COL6A3: variants seen among roughly 807,000 people sequenced by gnomAD.
COL6A3 encodes collagen alpha-3(VI) chain.
In COL6A3, 137 loss-of-function variants were observed where a neutral mutation model predicts 274.1. That is an observed-to-expected ratio of 0.50 (90% CI 0.44 to 0.58). The LOEUF (loss-of-function observed/expected upper bound fraction) is 0.58, where lower values mean the gene tolerates loss of function less well. Among genes scored for constraint, COL6A3 ranks in the 20% least tolerant of loss-of-function variants. The pLI is 0.00. For synonymous variants in COL6A3, 1,650 were observed against 1,650.6 expected (o/e 1.00, Z 0.01); for missense variants, 3,950 against 4,124.9 (o/e 0.96, Z 1.16).
intron 10 of COL6A3, 141 bp from the exon 11 acceptor site, chr2:237,367,427 C>T: frequency 1.0e-6 from 1 of 1,001,676 alleles, no homozygotes; most frequent in Non-Finnish European, 1.4e-6. Context: ...AAATCCATGC[C>T]TCTTTAGCCT....
intron 40 of COL6A3, among the ~76,000 whole-genome samples, chr2:237,335,429 T>G (rs1442908320): frequency 6.6e-6 from 1 of 152,250 alleles, no homozygotes; most frequent in African/African-American, 2.4e-5. Flanking sequence ...TAAAGCCATC[T>G]ACCTTTTGTA....
At chr2:237,381,533 G>A in intron 4 of COL6A3, 34 bp from the exon 5 acceptor site, 4 of 1,501,330 alleles carry the variant, frequency 2.7e-6, no homozygotes, top group Non-Finnish European at 3.7e-6. Context: ...CAATTAGAAT[G>A]GCCTTACCAA....
At chr2:237,346,144 G>C (rs1365792017) in intron 32 of COL6A3, among the ~76,000 whole-genome samples, 1 of 152,130 alleles carries the variant, frequency 6.6e-6, no homozygotes, top group East Asian at 1.9e-4. Context: ...TCAAACCAAG[G>C]CCTGGCATAA....
chr2:237,359,378 C>T lies in COL6A3; in HGVS notation c.6293G>A (p.Gly2098Glu). The change falls in exon 18 of 44, where the codon GGA becomes GAA. Residue 2098 changes from glycine to glutamate, a missense_variant. By Grantham distance (98) the Gly-to-Glu change is moderately conservative (BLOSUM62 -2). Around this residue, in one of 5 missense-constraint regions of COL6A3, gnomAD observed 92 missense variants for 143.4 expected, o/e 0.64. Transcript: ENST00000295550. ...CTTGCATACCTTCTCTCCTGGGAAT[C>T]CCCGAGAGCCCTAGAAGGCAAGGCG... ...PGQRGVKGSR[G>E]FPGEKGEVGE... The T allele has an allele frequency of 6.2e-7, 1 of 1,613,864 alleles. No individual in the cohort carries two copies. Among genetic ancestry groups the T allele is most frequent in the Non-Finnish European group, 8.5e-7 (1 of 1,179,948 alleles).
In COL6A3 at chr2:237,365,709, C is replaced by G; in HGVS notation, c.5827G>C (p.Asp1943His). Reference protein sequence around the residue: ...YLNKFRQSSPDSVKVVIHFTD... With the variant: ...YLNKFRQSSPHSVKVVIHFTD... ...CTGGCCCCACAGACCTTCACGCTGT[C>G]CGGCGAGGACTGTCTGAACTTGTTC... Residue 1943 changes from aspartate to histidine, a missense_variant, in exon 12 of 44, where the codon GAC (aspartate) becomes CAC (histidine). By Grantham distance (81) the Asp-to-His change is moderately conservative. Coordinates refer to ENST00000295550, the MANE Select transcript of COL6A3 (RefSeq NM_004369.4). The G allele has an allele frequency of 6.2e-7, 1 of 1,614,178 alleles. No individual in the cohort carries two copies. Among genetic ancestry groups the G allele is most frequent in the Non-Finnish European group, 8.5e-7 (1 of 1,180,020 alleles).
At chr2:237,330,276 A>G (rs1345625835) in intron 42 of COL6A3, 1 of 152,226 alleles carries the variant, frequency 6.6e-6, no homozygotes, top group Non-Finnish European at 1.5e-5. Flanking sequence ...GCAACTACGT[A>G]GCACTGTCAA....
intron 27 of COL6A3, 97 bp from the exon 28 acceptor site, chr2:237,350,306 A>C: frequency 9.4e-7 from 1 of 1,060,766 alleles, no homozygotes; most frequent in Non-Finnish European, 1.5e-6. Context: ...GTGCTGCAAC[A>C]TGCTGACTTC....
At position 237,353,351 on chromosome 2, in the gene COL6A3, C is replaced by G. The variant is rs762640643; in HGVS notation, c.6680G>C (p.Arg2227Thr). 6.2e-7 allele frequency: 1 copy of G among 1,614,200 alleles called. No homozygotes were observed. Among genetic ancestry groups the G allele is most frequent in the Non-Finnish European group, 8.5e-7 (1 of 1,180,036 alleles). ...CACGGAAGCACTCACCTGTGCACCT[C>G]TGGTCCCCTGCTCTCCCTCAAAGCC... ...QPGFEGEQGT[R>T]GAQGPAGPAG... The change falls in exon 25 of 44, where the codon AGA becomes ACA. Residue 2227 changes from arginine to threonine, a missense_variant. By Grantham distance (71) the Arg-to-Thr change is moderately conservative. Coordinates refer to ENST00000295550, the MANE Select transcript of COL6A3 (RefSeq NM_004369.4).
At chr2:237,397,262 G>A (rs1393079374) in intron 1 of COL6A3, among the ~76,000 whole-genome samples, 1 of 131,570 alleles carries the variant, frequency 7.6e-6, no homozygotes, top group African/African-American at 2.9e-5. Flanking sequence ...AAGGAAGGAA[G>A]AAGTGAAAGA....
Position 237,365,976 on chromosome 2 carries a change from C to T in COL6A3, c.5560G>A (p.Ala1854Thr), listed in dbSNP as rs2077542196. ...ACCTTGGACTCGAAGCCCTTCTGGG[C>T]CACAAAAACATTCTGGTCTCTAGAA... ...DGSRDQNVFV[A>T]QKGFESKVDA... The change falls in exon 12 of 44, where the codon GCC (alanine) becomes ACC (threonine). Residue 1854 changes from alanine to threonine, a missense_variant. Coordinates refer to ENST00000295550, the MANE Select transcript of COL6A3 (RefSeq NM_004369.4). The T allele has an allele frequency of 6.2e-7, 1 of 1,613,860 alleles. No individual in the cohort carries two copies. The highest frequency in any genetic ancestry group is 8.5e-7 in the Non-Finnish European group (1 of 1,180,020).
In COL6A3 at chr2:237,361,964, T is replaced by C; in HGVS notation, c.6064-133A>G. 2 of 817,154 alleles carry C rather than the reference T, an allele frequency of 2.4e-6. No homozygotes were observed. The highest frequency in any genetic ancestry group is 4.2e-6 in the Non-Finnish European group (2 of 478,420). 50.6% of individuals were successfully genotyped at this position (817,154 alleles called of 1,614,324 possible). On this transcript the variant is annotated intron_variant, in intron 14 of 43. Transcript: ENST00000295550. This position sits in a 1 kb window ranked among gnomAD's most constrained non-coding sequence, Gnocchi z 5.1. ...TGAGATGAAGTCCCTCCAGGTGACA[T>C]TTGCTGGACGACTGACGATATGATA...
chr2:237,333,314 T>C lies in COL6A3; in HGVS notation c.9328+136A>G, dbSNP rs897999283. On this transcript the variant is annotated intron_variant, in intron 42 of 43. Transcript: ENST00000295550. ...TATGCAGAATAAGATGATGTTGGGC[T>C]GCACAGAGCTGACGTGGACCTTTTC... 6.6e-6 allele frequency: 5 copies of C among 759,164 alleles called. No individual in the cohort carries two copies. The African/African-American group carries it at 8.6e-5, about 13-fold the overall frequency. 47.0% of individuals were successfully genotyped at this position (759,164 alleles called of 1,614,324 possible). A position where few individuals can be genotyped will look rare whatever the true frequency, so the allele number is the denominator to read the frequency against.
chr2:237,408,508 A>G (rs1377586313), intron 1 of COL6A3, among the ~76,000 whole-genome samples: 1 of 152,220 alleles, frequency 6.6e-6, no homozygotes, highest in Non-Finnish European at 1.5e-5. Flanking sequence ...ACTAATGAAG[A>G]TTCCAGAAGT....
Position 237,395,146 on chromosome 2 carries a change from A to G in COL6A3, c.150T>C (p.Ile50=). 1 of 1,613,858 alleles carries G rather than the reference A, an allele frequency of 6.2e-7. No individual in the cohort carries two copies. Among genetic ancestry groups the G allele is most frequent in the Non-Finnish European group, 8.5e-7 (1 of 1,179,904 alleles). Residue 50 remains isoleucine (I), a synonymous_variant, in exon 3 of 44, where the codon ATT becomes ATC. Transcript: ENST00000295550. ...GAACAAGTTGGAAATGTTCCTCTCC[A>G]ATGGTCCAAGAGGAATCCACTAGAA... The part of the protein sequence containing the change: ...IIFLVDSSWT[I]GEEHFQLVRE...
intron 1 of COL6A3, among the ~76,000 whole-genome samples, chr2:237,409,123 C>T (rs542549393): frequency 6.6e-6 from 1 of 152,314 alleles, no homozygotes; most frequent in South Asian, 2.1e-4. Flanking sequence ...CCTCTCTGAG[C>T]TCTCTTTCTT....
In COL6A3 at chr2:237,387,602, G is replaced by T. The variant is rs144746928; in HGVS notation, c.1292C>A (p.Pro431Gln). 1 of 1,613,860 alleles carries T rather than the reference G, an allele frequency of 6.2e-7. No homozygotes were observed. The highest frequency in any genetic ancestry group is 1.1e-5 in the South Asian group (1 of 90,960). Residue 431 changes from proline (P) to glutamine (Q), a missense_variant, in exon 4 of 44, where the codon CCG (proline) becomes CAG (glutamine). Transcript: ENST00000295550. ...CATACCTTGTGTGACAATGGTTGGC[G>T]GTTTCAAGACAATGTGCCTTTGGGC... ...GVAQRHIVLK[P>Q]PTIVTQVIEV...
At position 237,376,769 on chromosome 2, in the gene COL6A3, T is replaced by C. The variant is rs551561779; in HGVS notation, c.3070+3A>G. ...CAGAGCAACTAGCATTTCTCTACCATACCTGGTGCTGGTGCTCCGTTGTGC... is the reference window on the plus strand; with the variant it reads ...CAGAGCAACTAGCATTTCTCTACCACACCTGGTGCTGGTGCTCCGTTGTGC... On this transcript the variant is annotated splice_donor_region_variant and intron_variant, in intron 7 of 43. Coordinates refer to ENST00000295550, the MANE Select transcript of COL6A3 (RefSeq NM_004369.4). The C allele has an allele frequency of 3.1e-6, 5 of 1,614,104 alleles. No homozygotes were observed. The highest frequency in any genetic ancestry group is 1.1e-5 in the South Asian group (1 of 91,072).
chr2:237,348,828 A>G (rs1176729487), intron 28 of COL6A3, among the ~76,000 whole-genome samples, 165 bp from the exon 29 acceptor site: 3 of 152,184 alleles, frequency 2.0e-5, no homozygotes, highest in Admixed American at 6.5e-5. Flanking sequence ...CCTATCTTCC[A>G]AGTGTGAACA....
chr2:237,346,526 C>A lies in COL6A3; in HGVS notation c.7069G>T (p.Asp2357Tyr). 6.2e-7 allele frequency: 1 copy of A among 1,614,046 alleles called. No individual in the cohort carries two copies. The highest frequency in any genetic ancestry group is 1.1e-5 in the South Asian group (1 of 91,070). ...GPPGIVGQKG[D>Y]PGYPGPAGPK... Reference sequence around the variant, plus strand: ...ACAGCTGGTCCTGGGTAGCCAGGGTCTCCCTTCTGTCCAACTATCCCTGGA... The same window carrying A: ...ACAGCTGGTCCTGGGTAGCCAGGGTATCCCTTCTGTCCAACTATCCCTGGA... Residue 2357 changes from aspartate (D) to tyrosine (Y), a missense_variant, in exon 32 of 44, where the codon GAC becomes TAC. Asp to Tyr is a radical substitution (Grantham distance 160). This residue lies in a region of COL6A3 where 1,284 missense variants were observed against 1,349.7 expected (regional missense o/e 0.95). Coordinates refer to ENST00000295550, the MANE Select transcript of COL6A3 (RefSeq NM_004369.4).
Sources: allele counts gnomAD v4.1 joint callset (sites outside exome capture counted in the v4.1 genomes callset), GRCh38; gene constraint gnomAD v4.1.1; regional missense constraint gnomAD v4.1.1; non-coding constraint Gnocchi (gnomAD v3.1); transcripts MANE v1.5; gene names NCBI Gene and HGNC (gene_info 2026-07-23, HGNC 2026-07-21).